MRPS18C: variants seen among roughly 807,000 people sequenced by gnomAD.
MRPS18C encodes the protein small ribosomal subunit protein bS18m.
MRPS18C carries 21 observed loss-of-function variants against 21.0 expected under a neutral mutation model. The ratio of observed to expected loss-of-function variants is 1.00; its 90% CI spans 0.71 to 1.44. The LOEUF is 1.44. Among genes scored for constraint, MRPS18C ranks in the 40% most tolerant of loss-of-function variants. The pLI is 0.00. For synonymous variants in MRPS18C, 65 were observed against 54.3 expected (o/e 1.20, Z -0.87); for missense variants, 152 against 171.5 (o/e 0.89, Z 0.64).
intron 2 of MRPS18C, chr4:83,457,943 T>C (rs998876135): frequency 2.1e-5 from 4 of 194,428 alleles, no homozygotes; most frequent in South Asian, 9.0e-5. Context: ...TATCTGTGTA[T>C]AAAAATAGTG....
At position 83,458,432 on chromosome 4, in the gene MRPS18C, G is replaced by A; in HGVS notation, c.234+3G>A. 6.4e-7 allele frequency: 1 copy of A among 1,572,906 alleles called. No homozygotes were observed. The highest frequency in any genetic ancestry group is 8.7e-7 in the Non-Finnish European group (1 of 1,148,760). ...ATGTAGATTATAAGAATGTACAGGT[G>A]AGATCTGGTTTTACTTCACTATATT... On this transcript the variant is annotated splice_donor_region_variant and intron_variant, in intron 3 of 5. Coordinates refer to ENST00000295491, the MANE Select transcript of MRPS18C (RefSeq NM_016067.4).
intron 3 of MRPS18C, chr4:83,458,698 A>G: frequency 3.4e-6 from 1 of 297,708 alleles, no homozygotes; most frequent in Non-Finnish European, 6.1e-6. Context: ...AGTAATTCTC[A>G]ATTGGTGAGG....
At chr4:83,456,653 T>G (rs1721838601) in intron 1 of MRPS18C, among the ~76,000 whole-genome samples, 2 of 152,162 alleles carry the variant, frequency 1.3e-5, no homozygotes, top group Admixed American at 1.3e-4. Context: ...AACCATGGAA[T>G]GAAGGGAAAA....
chr4:83,459,342 T>C (rs1721988619), intron 3 of MRPS18C, among the ~76,000 whole-genome samples: 1 of 152,120 alleles, frequency 6.6e-6, no homozygotes, highest in Admixed American at 6.6e-5. Flanking sequence ...AAATGCCTGG[T>C]GTACTTGTAC....
At chr4:83,457,722 G>A (rs565369457) in intron 2 of MRPS18C, 1 of 152,444 alleles carries the variant, frequency 6.6e-6, no homozygotes, top group South Asian at 2.1e-4. Flanking sequence ...TTTTGCATAC[G>A]ATTACAGGGA....
At chr4:83,460,924 C>T (rs758168197) in intron 4 of MRPS18C, 49 bp from the exon 5 acceptor site, 3 of 1,547,258 alleles carry the variant, frequency 1.9e-6, no homozygotes, top group Non-Finnish European at 2.6e-6. Flanking sequence ...AAATTGCAAA[C>T]TTTAAATATT....
At position 83,456,194 on chromosome 4, in the gene MRPS18C, C is replaced by A; in HGVS notation, c.100+17C>A. 2 of 1,603,182 alleles carry A rather than the reference C, an allele frequency of 1.2e-6. No individual in the cohort carries two copies. Among genetic ancestry groups the A allele is most frequent in the Non-Finnish European group, 1.7e-6 (2 of 1,171,108 alleles). ...CTCACACGGGTAAAGTCTCCATATC[C>A]TATGCTCCATTGTAGCGCTGCAGGC... On this transcript the variant is annotated intron_variant, in intron 1 of 5. Transcript: ENST00000295491.
Position 83,456,076 on chromosome 4 carries a change from C to T in MRPS18C, c.-2C>T, listed in dbSNP as rs567705389. ...GAAAGGAAGTGGAAGAAACGCGGAACCATGGCCGCTGTGGTTGCTGTTTGC... is the reference window on the plus strand; with the variant it reads ...GAAAGGAAGTGGAAGAAACGCGGAATCATGGCCGCTGTGGTTGCTGTTTGC... On this transcript the variant is annotated 5_prime_UTR_variant, in exon 1 of 6. Transcript: ENST00000295491. 3 of 1,612,342 alleles carry T rather than the reference C, an allele frequency of 1.9e-6. No individual in the cohort carries two copies. The highest frequency in any genetic ancestry group is 2.5e-6 in the Non-Finnish European group (3 of 1,179,984).
At position 83,456,546 on chromosome 4, in the gene MRPS18C, A is replaced by G. The variant is rs550323069; in HGVS notation, c.101-363A>G. Among the ~76,000 whole-genome samples, 18 of 152,284 alleles carry G rather than the reference A, an allele frequency of 1.2e-4. 1 individual carries two copies. Among genetic ancestry groups the G allele is most frequent in the Admixed American group, 3.3e-4 (5 of 15,294 alleles). On this transcript the variant is annotated intron_variant, in intron 1 of 5. Transcript: ENST00000295491. ...AATTTTATCTTCTCTGTGCTTCTCT[A>G]TAAATTCTTTCTGGGACGGGTCTGT... is the stretch of plus-strand genomic sequence containing the variant.
At chr4:83,458,996 A>AT (rs201540370) in intron 3 of MRPS18C, 3,624 of 152,398 alleles carry the variant, frequency 0.024, 134 homozygotes, top group African/African-American at 0.082. Flanking sequence ...AAATACAAAA[A>AT]TTAGCTGAGT....
intron 4 of MRPS18C, 101 bp downstream of exon 4, chr4:83,459,898 TTACTACTAGATCAGA>T: frequency 2.0e-6 from 2 of 984,780 alleles, no homozygotes; most frequent in Non-Finnish European, 3.1e-6. Context: ...GTGCTATAAA[TTACTACTAGATCAGA>T]TACTACAGGG....
At chr4:83,459,146 A>C (rs1721980805) in intron 3 of MRPS18C, 2 of 107,000 alleles carry the variant, frequency 1.9e-5, no homozygotes, top group African/African-American at 1.3e-4. Context: ...AACTCTGTCA[A>C]AAAAAAAAAA....
chr4:83,459,304 A>G (rs1019831903), intron 3 of MRPS18C, among the ~76,000 whole-genome samples: 4 of 152,228 alleles, frequency 2.6e-5, no homozygotes, highest in African/African-American at 4.8e-5. Flanking sequence ...GTTCTAAAGA[A>G]GTATTTAAAT....
In MRPS18C at chr4:83,456,921, G is replaced by T; in HGVS notation, c.113G>T (p.Arg38Ile). The T allele has an allele frequency of 1.9e-6, 3 of 1,612,510 alleles. No individual in the cohort carries two copies. The highest frequency in any genetic ancestry group is 2.5e-6 in the Non-Finnish European group (3 of 1,179,840). ...TGTTTAATCGCAGTGCTTTGGAGAA[G>T]AGGTTGTTCACAACAGGTATCCAGC... ...HPGTHTVLWR[R>I]GCSQQVSSNE... Residue 38 changes from arginine (R) to isoleucine (I), a missense_variant, in exon 2 of 6, where the codon AGA (arginine) becomes ATA (isoleucine). Arg to Ile is a moderately conservative substitution (Grantham distance 97, BLOSUM62 -3). Coordinates refer to ENST00000295491, the MANE Select transcript of MRPS18C (RefSeq NM_016067.4).
At chr4:83,459,965 G>A (rs952390586) in intron 4 of MRPS18C, 168 bp downstream of exon 4, 2 of 534,384 alleles carry the variant, frequency 3.7e-6, no homozygotes, top group Non-Finnish European at 6.5e-6. Flanking sequence ...AGGCCAAGAG[G>A]ATTATTATTT....
At chr4:83,458,501 C>T (rs1213589698) in intron 3 of MRPS18C, 72 bp downstream of exon 3, 1 of 1,151,930 alleles carries the variant, frequency 8.7e-7, no homozygotes, top group East Asian at 2.6e-5. Flanking sequence ...AGAATCAAGT[C>T]AGTTTATAGC....
Position 83,456,062 on chromosome 4 carries a change from G to A in MRPS18C, c.-16G>A, listed in dbSNP as rs774718920. ...GAACGATTTGGAACGAAAGGAAGTG[G>A]AAGAAACGCGGAACCATGGCCGCTG... On this transcript the variant is annotated 5_prime_UTR_variant, in exon 1 of 6. Coordinates refer to ENST00000295491, the MANE Select transcript of MRPS18C (RefSeq NM_016067.4). 4.8e-5 allele frequency: 77 copies of A among 1,611,432 alleles called. No homozygotes were observed. Among genetic ancestry groups the A allele is most frequent in the Non-Finnish European group, 2.4e-5 (28 of 1,179,350 alleles).
At chr4:83,460,074 T>TAC in intron 4 of MRPS18C, 1 of 237,768 alleles carries the variant, frequency 4.2e-6, no homozygotes, top group Admixed American at 5.5e-5. Context: ...GATTGATACT[T>TAC]AAACTTGGTG....
chr4:83,458,370 A>T lies in MRPS18C; in HGVS notation c.175A>T (p.Lys59Ter). The T allele has an allele frequency of 6.2e-7, 1 of 1,604,002 alleles. No homozygotes were observed. Among genetic ancestry groups the T allele is most frequent in the Non-Finnish European group, 8.5e-7 (1 of 1,171,968 alleles). ...DLPISMENPY[K>*]EPLKKCILCG... is the part of the protein sequence containing the mutation. ...GCCCATTTCAATGGAAAATCCTTAT[A>T]AAGAACCTCTTAAGAAATGTATCTT... Residue 59 changes from lysine (K) to a stop codon, truncating the protein, a stop_gained, in exon 3 of 6, where the codon AAA becomes TAA. Coordinates refer to ENST00000295491, the MANE Select transcript of MRPS18C (RefSeq NM_016067.4). LOFTEE classifies it high-confidence loss of function.
Sources: gnomAD v4.1 joint callset for allele counts (sites outside exome capture counted in the v4.1 genomes callset) on GRCh38, gnomAD v4.1.1 for gene constraint, MANE v1.5 for transcripts, NCBI Gene and HGNC (gene_info 2026-07-23, HGNC 2026-07-21) for gene names.